ITGBL1: variants seen among roughly 807,000 people sequenced by gnomAD.
The protein encoded by ITGBL1 is integrin subunit beta like 1, also known as integrin beta-like protein 1.
ITGBL1 carries 51 observed loss-of-function variants against 68.5 expected under a neutral mutation model. That is an observed-to-expected ratio of 0.74 (90% CI 0.59 to 0.94). The LOEUF is 0.94. ITGBL1 is among the 40% of genes least tolerant of loss of function. The probability of loss-of-function intolerance (pLI) is 0.00; values close to 1 mark genes in which losing one functional copy is unlikely to be tolerated. For synonymous variants in ITGBL1, 209 were observed against 227.3 expected, an observed-to-expected ratio of 0.92 and a Z score of 0.72; for missense variants, 649 against 647.4, an observed-to-expected ratio of 1.00 and a Z score of -0.03.
intron 7 of ITGBL1, among the ~76,000 whole-genome samples, chr13:101,688,060 A>T (rs566164218): frequency 1.7e-4 from 26 of 152,110 alleles, no homozygotes; most frequent in African/African-American, 4.6e-4. Flanking sequence ...AATAATAATA[A>T]TATTATTTAG....
At chr13:101,696,298 A>C (rs1484647276) in intron 8 of ITGBL1, among the ~76,000 whole-genome samples, 1 of 152,116 alleles carries the variant, frequency 6.6e-6, no homozygotes, top group Non-Finnish European at 1.5e-5. Flanking sequence ...CCCAGAGTAC[A>C]AGCATATTTA....
At chr13:101,575,616 T>G in intron 4 of ITGBL1, 70 bp downstream of exon 4, 2 of 1,488,042 alleles carry the variant, frequency 1.3e-6, no homozygotes, top group Non-Finnish European at 1.9e-6. Flanking sequence ...TGTTCTTTTA[T>G]CTCTACATAA....
At chr13:101,698,840 A>G (rs534108963) in intron 8 of ITGBL1, among the ~76,000 whole-genome samples, 235 of 152,300 alleles carry the variant, frequency 1.5e-3, no homozygotes, top group Non-Finnish European at 2.9e-3. Flanking sequence ...TGTGCCATAT[A>G]CCTAGGGTGA....
chr13:101,688,811 G>C (rs767934901), intron 7 of ITGBL1, among the ~76,000 whole-genome samples: 3 of 152,138 alleles, frequency 2.0e-5, no homozygotes, highest in Non-Finnish European at 4.4e-5. Context: ...TCAAATTCAA[G>C]TTCTACCATT....
At chr13:101,497,893 A>G (rs74416901) in intron 2 of ITGBL1, among the ~76,000 whole-genome samples, 1 of 152,144 alleles carries the variant, frequency 6.6e-6, no homozygotes, top group East Asian at 1.9e-4. Context: ...GGCCACTACA[A>G]CATTCTCTGC....
chr13:101,558,428 T>G (rs2050045585), intron 2 of ITGBL1, among the ~76,000 whole-genome samples: 1 of 152,164 alleles, frequency 6.6e-6, no homozygotes. Flanking sequence ...AATATACCCA[T>G]GTAACAAACA....
At chr13:101,604,718 A>G (rs2030584661) in intron 7 of ITGBL1, among the ~76,000 whole-genome samples, 1 of 150,062 alleles carries the variant, frequency 6.7e-6, no homozygotes, top group Non-Finnish European at 1.5e-5. Context: ...AGCTGTGGTT[A>G]CATGAGTTAG....
chr13:101,478,718 C>T (rs968451524), intron 2 of ITGBL1, among the ~76,000 whole-genome samples: 4 of 151,832 alleles, frequency 2.6e-5, no homozygotes, highest in Admixed American at 2.6e-4. Flanking sequence ...AGAAAGTAAC[C>T]TCATTTACAA....
intron 7 of ITGBL1, among the ~76,000 whole-genome samples, chr13:101,626,608 C>G (rs1317921785): frequency 1.3e-5 from 2 of 151,986 alleles, no homozygotes; most frequent in Non-Finnish European, 2.9e-5. Context: ...TATATGATGG[C>G]CTTTTTCAGT....
intron 2 of ITGBL1, among the ~76,000 whole-genome samples, chr13:101,546,945 T>C (rs774826468): frequency 6.6e-6 from 1 of 152,008 alleles, no homozygotes; most frequent in Non-Finnish European, 1.5e-5. Flanking sequence ...TATTTTAGTA[T>C]CAGTAGATCT....
At chr13:101,670,971 G>C (rs765036903) in intron 7 of ITGBL1, among the ~76,000 whole-genome samples, 10 of 152,092 alleles carry the variant, frequency 6.6e-5, no homozygotes, top group Non-Finnish European at 1.3e-4. Context: ...ACATGCGATA[G>C]AAATAACCGA....
At chr13:101,601,243 C>T (rs1236637462) in intron 7 of ITGBL1, among the ~76,000 whole-genome samples, 1 of 152,160 alleles carries the variant, frequency 6.6e-6, no homozygotes, top group Non-Finnish European at 1.5e-5. Context: ...ATAGTATTCT[C>T]TGATGGTAGT....
chr13:101,606,572 C>T (rs1258939601), intron 7 of ITGBL1, among the ~76,000 whole-genome samples: 4 of 144,690 alleles, frequency 2.8e-5, no homozygotes, highest in South Asian at 2.3e-4. Context: ...TTATTATTAT[C>T]GATGTTCTCC....
At chr13:101,682,437 T>G (rs1481479874) in intron 7 of ITGBL1, among the ~76,000 whole-genome samples, 3 of 152,122 alleles carry the variant, frequency 2.0e-5, no homozygotes, top group African/African-American at 7.2e-5. Context: ...AATGAGAGTT[T>G]CTTCCAGGCT....
At chr13:101,703,426 A>G (rs1272864774) in intron 8 of ITGBL1, among the ~76,000 whole-genome samples, 1 of 152,262 alleles carries the variant, frequency 6.6e-6, no homozygotes, top group Non-Finnish European at 1.5e-5. Flanking sequence ...AAGGAATACA[A>G]TTGGAAATGT....
chr13:101,661,669 T>A (rs1240988593), intron 7 of ITGBL1, among the ~76,000 whole-genome samples: 1 of 152,224 alleles, frequency 6.6e-6, no homozygotes, highest in African/African-American at 2.4e-5. Context: ...TTGTAATATA[T>A]CTTTCATCAT....
chr13:101,670,355 G>A (rs2033327196), intron 7 of ITGBL1, among the ~76,000 whole-genome samples: 1 of 152,176 alleles, frequency 6.6e-6, no homozygotes, highest in Non-Finnish European at 1.5e-5. Context: ...CAATCACACT[G>A]CAGGAGGTTC....
At chr13:101,539,050 CT>C (rs35288585) in intron 2 of ITGBL1, among the ~76,000 whole-genome samples, 1,184 of 99,620 alleles carry the variant, frequency 0.012, 8 homozygotes, top group African/African-American at 0.028. Context: ...TGTGCTGCTT[CT>C]TTTTTTTTTT....
At chr13:101,647,909 G>T (rs890913450) in intron 7 of ITGBL1, among the ~76,000 whole-genome samples, 4 of 152,290 alleles carry the variant, frequency 2.6e-5, no homozygotes, top group South Asian at 4.1e-4. Flanking sequence ...GATTAGAACT[G>T]GTGGGAGCGC....
Sources: gnomAD v4.1 joint callset for allele counts (sites outside exome capture counted in the v4.1 genomes callset) on GRCh38, gnomAD v4.1.1 for gene constraint, MANE v1.5 for transcripts, NCBI Gene and HGNC (gene_info 2026-07-23, HGNC 2026-07-21) for gene names.